The following PCDHA10 variants were observed in gnomAD, a reference collection of about 807,000 sequenced individuals.
PCDHA10 encodes protocadherin alpha 10.
PCDHA10 carries 45 observed loss-of-function variants against 61.2 expected under a neutral mutation model. The ratio of observed to expected loss-of-function variants is 0.74; its 90% CI spans 0.58 to 0.94. PCDHA10 has a LOEUF of 0.94. Among genes scored for constraint, PCDHA10 ranks in the 40% least tolerant of loss-of-function variants. PCDHA10 has a pLI of 0.00. For missense variants in PCDHA10, 1,278 were observed against 1,236.2 expected, an observed-to-expected ratio of 1.03 and a Z score of -0.51; for synonymous variants, 602 against 548.8, an observed-to-expected ratio of 1.10 and a Z score of -1.35.
chr5:140,939,283 GATCTAATC>G lies in PCDHA10; in HGVS notation c.2389-39661_2389-39654del, dbSNP rs1257109202. ...TCTTTTATGAGAGCTGTGCCCTCGT[GATCTAATC>G]ATCTCTACAAAAGCCCTACCTCCTA... On this transcript the variant is annotated intron_variant, in intron 1 of 3. Coordinates refer to ENST00000307360, the MANE Select transcript of PCDHA10 (RefSeq NM_018901.4). Among the ~76,000 whole-genome samples the G allele has an allele frequency of 2.0e-5, 3 of 152,184 alleles. No homozygotes were observed. In the East Asian group the frequency reaches 5.8e-4, roughly 29 times the overall value.
At chr5:140,962,295 A>G (rs1215334325) in intron 1 of PCDHA10, among the ~76,000 whole-genome samples, 2 of 152,196 alleles carry the variant, frequency 1.3e-5, no homozygotes, top group African/African-American at 4.8e-5. Flanking sequence ...TTAATATTCT[A>G]TGATTCTTGT....
intron 1 of PCDHA10, among the ~76,000 whole-genome samples, chr5:140,976,583 G>A (rs1360171256): frequency 8.6e-5 from 13 of 151,966 alleles, no homozygotes; most frequent in African/African-American, 3.1e-4. Flanking sequence ...ATAAAACACA[G>A]ACTTTTGTGT....
chr5:140,881,587 G>C (rs1025219392), intron 1 of PCDHA10, among the ~76,000 whole-genome samples: 2 of 152,186 alleles, frequency 1.3e-5, no homozygotes, highest in Non-Finnish European at 1.5e-5. Context: ...CACATTGAGG[G>C]AAATTTATTA....
chr5:141,007,683 A>G (rs576789056), intron 3 of PCDHA10, among the ~76,000 whole-genome samples: 1 of 152,268 alleles, frequency 6.6e-6, no homozygotes, highest in African/African-American at 2.4e-5. Context: ...AAGTTATCCT[A>G]CTTCCACCTC....
At chr5:140,972,708 G>C (rs1309799075) in intron 1 of PCDHA10, among the ~76,000 whole-genome samples, 1 of 146,140 alleles carries the variant, frequency 6.8e-6, no homozygotes, top group East Asian at 2.0e-4. Context: ...TCTGTTGCCA[G>C]GCTGGAGTGC....
intron 1 of PCDHA10, among the ~76,000 whole-genome samples, chr5:140,895,413 C>G (rs141941836): frequency 6.6e-6 from 1 of 152,122 alleles, no homozygotes; most frequent in Non-Finnish European, 1.5e-5. Flanking sequence ...GCCCCATAAC[C>G]TTCTTTTGCT....
chr5:140,961,438 A>G (rs888082906), intron 1 of PCDHA10, among the ~76,000 whole-genome samples: 2 of 152,194 alleles, frequency 1.3e-5, no homozygotes, highest in South Asian at 4.1e-4. Context: ...AAAATCACCT[A>G]ACTACACTGT....
At chr5:140,876,164 C>T (rs1554168313) in intron 1 of PCDHA10, 2 of 1,613,950 alleles carry the variant, frequency 1.2e-6, no homozygotes, top group South Asian at 1.1e-5. Flanking sequence ...ATTCAAATAA[C>T]CGTCCTGGAT....
chr5:140,943,270 AAAAAAAAG>A (rs1301290983), intron 1 of PCDHA10, among the ~76,000 whole-genome samples: 4 of 150,618 alleles, frequency 2.7e-5, no homozygotes, highest in African/African-American at 4.9e-5. Context: ...AAAAAAAAAA[AAAAAAAAG>A]AAAGAAAGAA....
At chr5:140,948,861 A>G (rs1298940496) in intron 1 of PCDHA10, among the ~76,000 whole-genome samples, 1 of 151,528 alleles carries the variant, frequency 6.6e-6, no homozygotes, top group African/African-American at 2.4e-5. Flanking sequence ...TTCTTATATT[A>G]CTTCGGGTTT....
intron 1 of PCDHA10, among the ~76,000 whole-genome samples, chr5:140,954,919 C>T (rs246021): frequency 4.6e-5 from 7 of 151,890 alleles, no homozygotes; most frequent in African/African-American, 1.7e-4. Flanking sequence ...TTATGAATTA[C>T]GTCTTTAATT....
At chr5:140,984,824 C>A (rs920985683) in intron 3 of PCDHA10, among the ~76,000 whole-genome samples, 1 of 152,098 alleles carries the variant, frequency 6.6e-6, no homozygotes, top group Non-Finnish European at 1.5e-5. Context: ...TCTTAATTAC[C>A]CTTTCTGTAA....
intron 1 of PCDHA10, chr5:140,927,106 A>G: frequency 6.2e-7 from 1 of 1,613,678 alleles, no homozygotes; most frequent in Non-Finnish European, 8.5e-7. Context: ...GGATCTACCC[A>G]GCGGCAATTT....
intron 1 of PCDHA10, among the ~76,000 whole-genome samples, chr5:140,880,028 G>A (rs577776398): frequency 1.2e-4 from 19 of 152,308 alleles, no homozygotes; most frequent in African/African-American, 4.6e-4. Flanking sequence ...AAATCCACAA[G>A]TTCCAGGGAT....
chr5:140,881,679 A>G (rs2058790767), intron 1 of PCDHA10, among the ~76,000 whole-genome samples: 1 of 152,220 alleles, frequency 6.6e-6, no homozygotes, highest in Non-Finnish European at 1.5e-5. Flanking sequence ...TGTGATTGTT[A>G]TGTTTCCTTT....
chr5:140,857,650 G>T lies in PCDHA10; in HGVS notation c.1602G>T (p.Val534=). ...AGCTGGAGCTGCTACAGTTCCAGGT[G>T]AGCGCGCGCGATGGGGGCGTGCCGC... is the stretch of plus-strand genomic sequence containing the variant. ...HEELELLQFQ[V]SARDGGVPPL... The change falls in exon 1 of 4, where the codon GTG becomes GTT. Residue 534 remains valine, a synonymous_variant. Coordinates refer to ENST00000307360, the MANE Select transcript of PCDHA10 (RefSeq NM_018901.4). 6.3e-7 allele frequency: 1 copy of T among 1,596,744 alleles called. No individual in the cohort carries two copies. Among genetic ancestry groups the T allele is most frequent in the East Asian group, 2.2e-5 (1 of 44,830 alleles).
intron 1 of PCDHA10, among the ~76,000 whole-genome samples, chr5:140,920,549 G>A (rs957534849): frequency 2.6e-5 from 4 of 152,120 alleles, no homozygotes; most frequent in Non-Finnish European, 5.9e-5. Flanking sequence ...TTTCACCTTC[G>A]AAGTGTGGCC....
At chr5:140,910,197 T>C (rs1318749477) in intron 1 of PCDHA10, among the ~76,000 whole-genome samples, 1 of 152,202 alleles carries the variant, frequency 6.6e-6, no homozygotes, top group African/African-American at 2.4e-5. Context: ...TAGTCTTTTG[T>C]CCACTTGACC....
At position 140,856,324 on chromosome 5, in the gene PCDHA10, G is replaced by A. The variant is rs1221183425; in HGVS notation, c.276G>A (p.Glu92=). ...ILFVNSRIDR[E]ELCGRSVECS... ...TTGTGAATTCTCGGATTGACCGCGA[G>A]GAGCTGTGCGGGCGGAGCGTGGAGT... The change falls in exon 1 of 4, where the codon GAG becomes GAA. Residue 92 remains glutamate, a synonymous_variant. Coordinates refer to ENST00000307360, the MANE Select transcript of PCDHA10 (RefSeq NM_018901.4). The A allele has an allele frequency of 6.3e-6, 10 of 1,598,594 alleles. 1 individual carries two copies. Among genetic ancestry groups the A allele is most frequent in the Non-Finnish European group, 8.6e-6 (10 of 1,168,074 alleles).
Sources: allele counts gnomAD v4.1 joint callset (sites outside exome capture counted in the v4.1 genomes callset), GRCh38; gene constraint gnomAD v4.1.1; transcripts MANE v1.5; gene names NCBI Gene and HGNC (gene_info 2026-07-23, HGNC 2026-07-21).